The following CAMKMT variants were observed in gnomAD, a reference collection of about 807,000 sequenced individuals.
CAMKMT encodes the protein calmodulin-lysine N-methyltransferase.
CAMKMT carries 53 observed loss-of-function variants against 48.0 expected under a neutral mutation model. The observed-to-expected ratio is 1.10, with a 90% confidence interval of 0.89 to 1.39. CAMKMT has a LOEUF of 1.39. Ranked by LOEUF, CAMKMT falls within the 40% of genes most tolerant of loss-of-function variation. The pLI is 0.00. For missense variants in CAMKMT, 428 were observed against 402.7 expected (o/e 1.06, Z -0.54); for synonymous variants, 165 against 152.3 (o/e 1.08, Z -0.61).
At chr2:44,429,283 G>A (rs865832245) in intron 3 of CAMKMT, among the ~76,000 whole-genome samples, 15 of 138,828 alleles carry the variant, frequency 1.1e-4, no homozygotes, top group African/African-American at 4.3e-4. Flanking sequence ...GTGTATGTGT[G>A]TGTGTGTGTG....
Position 44,568,420 on chromosome 2 carries a change from C to G in CAMKMT, c.377-135863C>G, listed in dbSNP as rs114733381. Reference sequence around the variant, plus strand: ...TCAATCACAGTTGGTAGCTGTTGCTCTGAGCTTAGGGCAGAAATATGAGTA... The same window carrying G: ...TCAATCACAGTTGGTAGCTGTTGCTGTGAGCTTAGGGCAGAAATATGAGTA... On this transcript the variant is annotated intron_variant, in intron 3 of 10. Coordinates refer to ENST00000378494, the MANE Select transcript of CAMKMT (RefSeq NM_024766.5). Among the ~76,000 whole-genome samples the G allele has an allele frequency of 5.3e-3, 802 of 152,288 alleles. 6 individuals carry two copies. Among genetic ancestry groups the G allele is most frequent in the African/African-American group, 0.018 (759 of 41,560 alleles).
chr2:44,367,243 A>G (rs1345765756), intron 1 of CAMKMT, among the ~76,000 whole-genome samples: 4 of 152,108 alleles, frequency 2.6e-5, no homozygotes. Context: ...TCTTGTTCCA[A>G]TATCCGAGAA....
chr2:44,484,889 C>A (rs1669141838), intron 3 of CAMKMT, among the ~76,000 whole-genome samples: 1 of 151,940 alleles, frequency 6.6e-6, no homozygotes, highest in Admixed American at 6.6e-5. Context: ...AAAAAAAGAA[C>A]CTAATTTCAC....
chr2:44,437,232 A>G (rs1666319201), intron 3 of CAMKMT, among the ~76,000 whole-genome samples: 1 of 152,198 alleles, frequency 6.6e-6, no homozygotes, highest in African/African-American at 2.4e-5. Flanking sequence ...AACAATAGGT[A>G]TCAGTTATCT....
chr2:44,726,318 C>T (rs1168688012), intron 7 of CAMKMT, among the ~76,000 whole-genome samples: 18 of 152,176 alleles, frequency 1.2e-4, no homozygotes, highest in Admixed American at 1.2e-3. Context: ...TAAGAATAGC[C>T]ATTCTGACTG....
intron 3 of CAMKMT, among the ~76,000 whole-genome samples, chr2:44,580,095 T>G (rs1043881235): frequency 1.3e-5 from 2 of 152,148 alleles, no homozygotes; most frequent in Admixed American, 1.3e-4. Flanking sequence ...CTAGGAGTCA[T>G]GATTTGTTCT....
chr2:44,369,293 C>A (rs1399782882), intron 1 of CAMKMT, among the ~76,000 whole-genome samples: 1 of 152,182 alleles, frequency 6.6e-6, no homozygotes, highest in African/African-American at 2.4e-5. Context: ...TCTAAAACTT[C>A]TACATAGTAT....
At chr2:44,713,489 AAG>A (rs1357163214) in intron 6 of CAMKMT, among the ~76,000 whole-genome samples, 1 of 152,212 alleles carries the variant, frequency 6.6e-6, no homozygotes, top group African/African-American at 2.4e-5. Context: ...TTTCATTTAG[AAG>A]ACTTTCCTGA....
intron 7 of CAMKMT, among the ~76,000 whole-genome samples, chr2:44,734,086 TA>T (rs1679226718): frequency 6.6e-6 from 1 of 152,002 alleles, no homozygotes; most frequent in African/African-American, 2.4e-5. Flanking sequence ...TAATCTTTAT[TA>T]CTTCTTTTTT....
At chr2:44,477,070 T>G (rs1051679205) in intron 3 of CAMKMT, among the ~76,000 whole-genome samples, 1 of 152,228 alleles carries the variant, frequency 6.6e-6, no homozygotes, top group African/African-American at 2.4e-5. Context: ...AAAAATTATT[T>G]AAACAAAATT....
intron 3 of CAMKMT, among the ~76,000 whole-genome samples, chr2:44,612,886 G>A (rs57345410): frequency 0.035 from 5,303 of 151,866 alleles, 260 homozygotes; most frequent in African/African-American, 0.11. Context: ...ACTCATTAAC[G>A]TCATTGACTT....
Position 44,527,786 on chromosome 2 carries a change from C to CT in CAMKMT, c.376+137481_376+137482insT, listed in dbSNP as rs748747891. Among the ~76,000 whole-genome samples the CT allele has an allele frequency of 9.6e-4, 17 of 17,700 alleles. 1 individual carries two copies. The highest frequency in any genetic ancestry group is 2.0e-3 in the African/African-American group (15 of 7,322). The allele number at this position is 17,700 out of a possible 152,430, so 11.6% of individuals were successfully genotyped here. On this transcript the variant is annotated intron_variant, in intron 3 of 10. Transcript: ENST00000378494. The stretch of plus-strand genomic sequence containing the variant: ...ACCCCCTCCTCCCACATGTGTACAG[C>CT]CCCCCCCCCCATTATCAATATACTC...
At chr2:44,639,817 G>A (rs937313181) in intron 3 of CAMKMT, among the ~76,000 whole-genome samples, 1 of 152,120 alleles carries the variant, frequency 6.6e-6, no homozygotes, top group Non-Finnish European at 1.5e-5. Context: ...GGAAATACAA[G>A]CTAATTTTAT....
At chr2:44,632,451 G>A (rs953578172) in intron 3 of CAMKMT, among the ~76,000 whole-genome samples, 2 of 152,174 alleles carry the variant, frequency 1.3e-5, no homozygotes, top group Non-Finnish European at 1.5e-5. Flanking sequence ...ACAACATGAT[G>A]TTATAGATAC....
chr2:44,489,862 T>A (rs1040039140), intron 3 of CAMKMT, among the ~76,000 whole-genome samples: 5 of 152,184 alleles, frequency 3.3e-5, no homozygotes, highest in Non-Finnish European at 5.9e-5. Context: ...TAAGGAGAAC[T>A]ACTTATTGGG....
intron 3 of CAMKMT, among the ~76,000 whole-genome samples, chr2:44,564,784 C>A (rs1296585582): frequency 1.3e-5 from 2 of 152,194 alleles, no homozygotes; most frequent in Non-Finnish European, 1.5e-5. Context: ...AGGTGATCCA[C>A]CTGCTTTGGC....
chr2:44,700,905 G>C (rs186250460), intron 3 of CAMKMT, among the ~76,000 whole-genome samples: 1 of 152,144 alleles, frequency 6.6e-6, no homozygotes, highest in Non-Finnish European at 1.5e-5. Context: ...AATAAAGAAA[G>C]CTGCAATAAA....
At chr2:44,573,000 A>G (rs923254403) in intron 3 of CAMKMT, among the ~76,000 whole-genome samples, 2 of 151,444 alleles carry the variant, frequency 1.3e-5, no homozygotes, top group African/African-American at 4.9e-5. Context: ...TTGGCCGTCT[A>G]TATCTTAGTA....
chr2:44,709,125 G>A (rs1415656150), intron 6 of CAMKMT, among the ~76,000 whole-genome samples: 2 of 152,148 alleles, frequency 1.3e-5, no homozygotes, highest in Non-Finnish European at 2.9e-5. Flanking sequence ...TGAAATCAGA[G>A]AGGAAATCTC....
Sources: allele counts gnomAD v4.1 joint callset (sites outside exome capture counted in the v4.1 genomes callset), GRCh38; gene constraint gnomAD v4.1.1; transcripts MANE v1.5; gene names NCBI Gene and HGNC (gene_info 2026-07-23, HGNC 2026-07-21).